TMEM42: variants seen among roughly 807,000 people sequenced by gnomAD.
TMEM42 encodes the protein transmembrane protein 42.
A neutral mutation model predicts 14.0 loss-of-function variants in TMEM42; 8 were observed. That is an observed-to-expected ratio of 0.57 (90% CI 0.34 to 1.03). The LOEUF is 1.03. Among genes scored for constraint, TMEM42 ranks in the 50% least tolerant of loss-of-function variants. TMEM42 has a pLI of 0.03. For synonymous variants in TMEM42, 115 were observed against 94.3 expected, an observed-to-expected ratio of 1.22 and a Z score of -1.27; for missense variants, 211 against 219.8, an observed-to-expected ratio of 0.96 and a Z score of 0.25.
At chr3:44,864,129 G>A (rs1699293728) in intron 1 of TMEM42, 68 bp from the exon 2 acceptor site, 4 of 1,600,126 alleles carry the variant, frequency 2.5e-6, no homozygotes, top group East Asian at 2.2e-5. Context: ...AGTCCTGGGT[G>A]TGCTTTGAGG....
intron 1 of TMEM42, chr3:44,862,888 A>G (rs182625847): frequency 2.6e-5 from 4 of 152,104 alleles, no homozygotes; most frequent in Admixed American, 2.0e-4. Context: ...TCAGGTTAGT[A>G]TCCCATTGGG....
At chr3:44,864,439 C>T in intron 2 of TMEM42, 96 bp downstream of exon 2, 1 of 1,500,610 alleles carries the variant, frequency 6.7e-7, no homozygotes, top group South Asian at 1.2e-5. Flanking sequence ...GGAGAAAGGA[C>T]AGGAACTGAA....
rs776676166 is a variant in TMEM42 at position 44,864,318 on chromosome 3, TGA to T, written c.315_316del (p.Thr106PhefsTer59). 9.3e-6 allele frequency: 15 copies of T among 1,614,090 alleles called. No homozygotes were observed. Among genetic ancestry groups the T allele is most frequent in the Non-Finnish European group, 1.3e-5 (15 of 1,180,036 alleles). On this transcript the variant is annotated frameshift_variant, in exon 2 of 3. Transcript: ENST00000302392. LOFTEE classifies it high-confidence loss of function. ...TCTTCAGCCATTGCATCTGTCACAG[TGA>T]CTTTTTCAAATATCCTCAGCTCGGT...
At position 44,865,022 on chromosome 3, in the gene TMEM42, G is replaced by C; in HGVS notation, c.340-18G>C. 6.2e-7 allele frequency: 1 copy of C among 1,613,804 alleles called. No homozygotes were observed. Among genetic ancestry groups the C allele is most frequent in the African/African-American group, 1.3e-5 (1 of 75,030 alleles). ...ACCTGCTGAAGTTGAGTCCCTCACAGCTATCTTTGTCTCGCAGGCCTTCCT... is the reference window on the plus strand; with the variant it reads ...ACCTGCTGAAGTTGAGTCCCTCACACCTATCTTTGTCTCGCAGGCCTTCCT... On this transcript the variant is annotated intron_variant, in intron 2 of 2. Transcript: ENST00000302392.
Position 44,862,095 on chromosome 3 carries a change from C to A in TMEM42, c.171C>A (p.Ala57=), listed in dbSNP as rs1179568835. ...TCGGGGCCCTGGCCGCCGCCTCCGC[C>A]AAGCTGGCCTTCGGCAGCGAGGTCG... The part of the protein sequence containing the change: ...GAFGALAAAS[A]KLAFGSEVSM... The change falls in exon 1 of 3, where the codon GCC becomes GCA. Residue 57 remains alanine (A), a synonymous_variant. Coordinates refer to ENST00000302392, the MANE Select transcript of TMEM42 (RefSeq NM_144638.3). The A allele has an allele frequency of 2.4e-6, 3 of 1,254,654 alleles. No individual in the cohort carries two copies. In the African/African-American group the frequency reaches 4.6e-5, roughly 19 times the overall value. 77.7% of individuals were successfully genotyped at this position (1,254,654 alleles called of 1,614,324 possible).
At chr3:44,862,872 C>T (rs1278138362) in intron 1 of TMEM42, 1 of 151,866 alleles carries the variant, frequency 6.6e-6, no homozygotes, top group Non-Finnish European at 1.5e-5. Flanking sequence ...TAGTAGCTGC[C>T]ATGCTTCAGG....
At chr3:44,864,778 T>C (rs991933255) in intron 2 of TMEM42, among the ~76,000 whole-genome samples, 8 of 152,220 alleles carry the variant, frequency 5.3e-5, no homozygotes, top group Non-Finnish European at 8.8e-5. Context: ...ACCATGTACC[T>C]GCTGTGTCTA....
At chr3:44,864,629 G>A (rs1020969942) in intron 2 of TMEM42, among the ~76,000 whole-genome samples, 1 of 152,180 alleles carries the variant, frequency 6.6e-6, no homozygotes, top group African/African-American at 2.4e-5. Context: ...CATCCTAGCT[G>A]TTTCCTAGGG....
At chr3:44,863,394 ATCT>A (rs1015352807) in intron 1 of TMEM42, 9 of 147,124 alleles carry the variant, frequency 6.1e-5, no homozygotes, top group South Asian at 4.3e-4. Flanking sequence ...GCTTCTAAAG[ATCT>A]TCTCTTCTCT....
intron 1 of TMEM42, chr3:44,863,103 T>A (rs1354999260): frequency 1.3e-5 from 2 of 150,494 alleles, no homozygotes; most frequent in African/African-American, 4.9e-5. Flanking sequence ...GATTTATTAT[T>A]TTTTTTTTAG....
chr3:44,865,118 C>A lies in TMEM42; in HGVS notation c.418C>A (p.Leu140Ile). The change falls in exon 3 of 3, where the codon CTC becomes ATC. Residue 140 changes from leucine to isoleucine, a missense_variant. Leu to Ile is a conservative substitution (Grantham distance 5). Transcript: ENST00000302392. ...WGGVFLILCG[L>I]TLIHRKLPPT... ...AGGAGTGTTCCTTATTCTCTGCGGA[C>A]TCACCCTAATCCACAGGAAGCTCCC... 6.2e-7 allele frequency: 1 copy of A among 1,614,140 alleles called. No individual in the cohort carries two copies. Among genetic ancestry groups the A allele is most frequent in the South Asian group, 1.1e-5 (1 of 91,084 alleles).
rs138103466 is a variant in TMEM42, at chr3:44,864,188, C to T, written c.193-9C>T. On this transcript the variant is annotated splice_polypyrimidine_tract_variant and intron_variant, in intron 1 of 2. Coordinates refer to ENST00000302392, the MANE Select transcript of TMEM42 (RefSeq NM_144638.3). ...GTGGACGTGGCTGCAGTGACACTTT[C>T]TCCTGCAGGTGAGCATGGGTTTATG... 6.2e-7 allele frequency: 1 copy of T among 1,613,552 alleles called. No homozygotes were observed. The highest frequency in any genetic ancestry group is 1.3e-5 in the African/African-American group (1 of 74,906).
intron 1 of TMEM42, 167 bp downstream of exon 1, chr3:44,862,283 CGGGCGGCGCT>C (rs1381650557): frequency 1.3e-5 from 4 of 303,682 alleles, no homozygotes; most frequent in Non-Finnish European, 1.9e-5. Context: ...CCCCGGGCCG[CGGGCGGCGCT>C]GCGGTCAGCT....
chr3:44,865,368 G>A lies in TMEM42; in HGVS notation c.*188G>A, dbSNP rs1325239581. ...GGTGCAGCTGCAGCAGTGTTCTACC[G>A]GAAGTGTTTTGATCATCTGTACAGT... On this transcript the variant is annotated 3_prime_UTR_variant, in exon 3 of 3. Coordinates refer to ENST00000302392, the MANE Select transcript of TMEM42 (RefSeq NM_144638.3). 19 of 742,812 alleles carry A rather than the reference G, an allele frequency of 2.6e-5. No individual in the cohort carries two copies. The highest frequency in any genetic ancestry group is 8.8e-5 in the African/African-American group (5 of 56,610). The allele number at this position is 742,812 out of a possible 1,614,324, so 46.0% of individuals were successfully genotyped here.
intron 2 of TMEM42, 137 bp from the exon 3 acceptor site, chr3:44,864,903 A>G: frequency 9.1e-7 from 1 of 1,093,718 alleles, no homozygotes; most frequent in South Asian, 1.6e-5. Flanking sequence ...GATGAAGGTG[A>G]CAGCTAGGTT....
At chr3:44,862,142 TGCTGCTGCGGGCGGGCGGGCGGGGC>T in intron 1 of TMEM42, 26 bp downstream of exon 1, 1 of 165,442 alleles carries the variant, frequency 6.0e-6, no homozygotes, top group Non-Finnish European at 1.1e-5. Flanking sequence ...CTGTTGGTGC[TGCTGCTGCGGGCGGGCGGGCGGGGC>T]GCCGCTGGGC....
chr3:44,864,105 G>A (rs1382401614), intron 1 of TMEM42, 92 bp from the exon 2 acceptor site: 2 of 1,533,878 alleles, frequency 1.3e-6, no homozygotes, highest in Non-Finnish European at 1.8e-6. Context: ...AGGAGCCTGG[G>A]TGCCAGCAAC....
chr3:44,864,471 G>C, intron 2 of TMEM42, 128 bp downstream of exon 2: 1 of 1,166,238 alleles, frequency 8.6e-7, no homozygotes, highest in South Asian at 1.4e-5. Flanking sequence ...GCTGTGGCTT[G>C]ACCCCTGGAT....
intron 1 of TMEM42, 33 bp downstream of exon 1, chr3:44,862,149 G>T: frequency 9.4e-7 from 1 of 1,062,192 alleles, no homozygotes; most frequent in Non-Finnish European, 1.2e-6. Context: ...TGCTGCTGCT[G>T]CGGGCGGGCG....
Sources: gnomAD v4.1 joint callset for allele counts (sites outside exome capture counted in the v4.1 genomes callset) on GRCh38, gnomAD v4.1.1 for gene constraint, MANE v1.5 for transcripts, NCBI Gene and HGNC (gene_info 2026-07-23, HGNC 2026-07-21) for gene names.